DMTN: variants seen among roughly 807,000 people sequenced by gnomAD.
The protein encoded by DMTN is dematin actin binding protein, also known as dematin.
DMTN carries 27 observed loss-of-function variants against 59.4 expected under a neutral mutation model. The ratio of observed to expected loss-of-function variants is 0.45; its 90% CI spans 0.33 to 0.63. The LOEUF (loss-of-function observed/expected upper bound fraction) is 0.63. Ranked by LOEUF, DMTN falls within the 20% of genes least tolerant of loss-of-function variation. The probability of loss-of-function intolerance (pLI) is 0.02; values close to 1 mark genes in which losing one functional copy is unlikely to be tolerated. For missense variants in DMTN, 451 were observed against 528.9 expected (o/e 0.85, Z 1.45); for synonymous variants, 221 against 203.7 (o/e 1.08, Z -0.72).
chr8:22,066,997 GC>G, intron 2 of DMTN, 87 bp from the exon 3 acceptor site: 7 of 1,292,088 alleles, frequency 5.4e-6, no homozygotes, highest in Non-Finnish European at 6.9e-6. Context: ...GCCGCGCAGC[GC>G]CCCGGGTCCC....
chr8:22,066,026 T>C (rs1436194775), intron 1 of DMTN, among the ~76,000 whole-genome samples: 1 of 151,908 alleles, frequency 6.6e-6, no homozygotes, highest in African/African-American at 2.4e-5. Flanking sequence ...ATTTTTTCTG[T>C]AAAGACAAGG....
intron 5 of DMTN, 160 bp downstream of exon 5, chr8:22,069,220 G>T: frequency 1.1e-6 from 1 of 934,748 alleles, no homozygotes; most frequent in Non-Finnish European, 1.6e-6. Context: ...TCATTCTGTC[G>T]GACCCAGGAC....
intron 10 of DMTN, among the ~76,000 whole-genome samples, chr8:22,075,049 T>C: frequency 6.6e-6 from 1 of 151,748 alleles, no homozygotes; most frequent in Non-Finnish European, 1.5e-5. Flanking sequence ...TAGCCAGGCA[T>C]GGTGGCGCAT....
rs751246307 is a variant in DMTN at position 22,080,234 on chromosome 8, C to T, written c.890C>T (p.Thr297Ile). 3.1e-6 allele frequency: 5 copies of T among 1,614,248 alleles called. No homozygotes were observed. In the Admixed American group the frequency reaches 6.7e-5, roughly 22 times the overall value. The change falls in exon 11 of 16, where the codon ACC becomes ATC. Residue 297 changes from threonine to isoleucine, a missense_variant. Physicochemically the swap from Thr to Ile is moderately conservative, Grantham distance 89. Transcript: ENST00000358242. ...SSSLPAYGRT[T>I]LSRLQSTEFS... is the part of the protein sequence containing the mutation. ...TCTCTCCCCGCCTATGGCAGGACCA[C>T]CCTGAGCCGGGTAAGGTCTCAGGAC...
At chr8:22,068,532 C>T (rs1265823894) in intron 4 of DMTN, among the ~76,000 whole-genome samples, 1 of 151,728 alleles carries the variant, frequency 6.6e-6, no homozygotes, top group East Asian at 1.9e-4. Flanking sequence ...AGAGCTACTG[C>T]ATTTAGGCTG....
upstream of DMTN, among the ~76,000 whole-genome samples, chr8:22,051,274 C>T (rs1237148368): frequency 1.3e-5 from 2 of 152,154 alleles, no homozygotes; most frequent in African/African-American, 4.8e-5. Flanking sequence ...CTAAGAATGG[C>T]TCACAAATTT....
chr8:22,079,464 TAAAC>T lies in DMTN; in HGVS notation c.836-704_836-701del, dbSNP rs1425851484. On this transcript the variant is annotated intron_variant, in intron 10 of 15. Transcript: ENST00000358242. The stretch of plus-strand genomic sequence containing the variant: ...AGACCCCATCTCAAAAATAAATAAA[TAAAC>T]AAACAAACAAATATGAATACTAGCT... Among the ~76,000 whole-genome samples, 17 of 150,916 alleles carry T rather than the reference TAAAC, an allele frequency of 1.1e-4. No homozygotes were observed. The East Asian group carries it at 2.2e-3, about 19-fold the overall frequency.
At chr8:22,067,472 A>G in intron 3 of DMTN, 55 bp from the exon 4 acceptor site, 1 of 1,601,354 alleles carries the variant, frequency 6.2e-7, no homozygotes, top group South Asian at 1.1e-5. Context: ...TAGCAGGGCC[A>G]GTGTCCTAGG....
rs780679775 is a variant in DMTN, at chr8:22,082,091, C to T, written c.*628C>T. The T allele has an allele frequency of 6.6e-6, 3 of 456,624 alleles. No homozygotes were observed. The highest frequency in any genetic ancestry group is 1.3e-5 in the Non-Finnish European group (3 of 226,984). The allele number at this position is 456,624 out of a possible 1,614,324, so 28.3% of individuals were successfully genotyped here. On this transcript the variant is annotated 3_prime_UTR_variant, in exon 16 of 16. Transcript: ENST00000358242. ...GAAGCCTGGGCTTAGGGTGGAGATG[C>T]CGCCTACACACGATCCTGGCCCTCC...
At chr8:22,063,209 A>C (rs536194543) in intron 1 of DMTN, among the ~76,000 whole-genome samples, 27 of 152,044 alleles carry the variant, frequency 1.8e-4, no homozygotes, top group African/African-American at 6.3e-4. Flanking sequence ...AGCCTCCTTC[A>C]TGGGCACCCC....
chr8:22,051,858 A>G (rs1801386722), upstream of DMTN, among the ~76,000 whole-genome samples: 1 of 151,616 alleles, frequency 6.6e-6, no homozygotes, highest in African/African-American at 2.4e-5. Flanking sequence ...CCTACCATCA[A>G]CCACAGCTCT....
At chr8:22,063,582 C>T (rs992894431) in intron 1 of DMTN, among the ~76,000 whole-genome samples, 18 of 152,188 alleles carry the variant, frequency 1.2e-4, no homozygotes, top group African/African-American at 4.1e-4. Flanking sequence ...ATCTCAACCT[C>T]ATGACCTCTC....
At position 22,069,369 on chromosome 8, in the gene DMTN, T is replaced by C. The variant is rs919013660; in HGVS notation, c.295-50T>C. The C allele has an allele frequency of 2.0e-6, 3 of 1,504,890 alleles. No homozygotes were observed. In the South Asian group the frequency reaches 3.5e-5, roughly 18 times the overall value. The allele number at this position is 1,504,890 out of a possible 1,614,324, so 93.2% of individuals were successfully genotyped here. On this transcript the variant is annotated intron_variant, in intron 5 of 15. Coordinates refer to ENST00000358242, the MANE Select transcript of DMTN (RefSeq NM_001387751.1). Reference sequence around the variant, plus strand: ...GGTGTGAGCTGATGGGGTGCATGTGTGGGTTGGAGGGGGTTAGGGGCCCTG... The same window carrying C: ...GGTGTGAGCTGATGGGGTGCATGTGCGGGTTGGAGGGGGTTAGGGGCCCTG...
intron 10 of DMTN, among the ~76,000 whole-genome samples, chr8:22,077,559 G>A (rs915300506): frequency 2.0e-5 from 3 of 152,178 alleles, no homozygotes; most frequent in African/African-American, 4.8e-5. Context: ...ATGATGTGGA[G>A]AGAGGATGCG....
intron 9 of DMTN, 35 bp from the exon 10 acceptor site, chr8:22,073,695 A>G (rs974890741): frequency 3.9e-6 from 5 of 1,287,160 alleles, no homozygotes; most frequent in Non-Finnish European, 5.6e-6. Context: ...TCAAGTGTCT[A>G]AGTCTTGGCT....
upstream of DMTN, chr8:22,055,327 G>A (rs1331626651): frequency 1.3e-5 from 2 of 152,414 alleles, no homozygotes; most frequent in African/African-American, 4.8e-5. Context: ...AAAGGGCTGA[G>A]GTGTCAAAGC....
At chr8:22,054,489 G>T (rs1436332883), upstream of DMTN, among the ~76,000 whole-genome samples, 1 of 152,092 alleles carries the variant, frequency 6.6e-6, no homozygotes, top group Non-Finnish European at 1.5e-5. Context: ...AGCGCCCAGG[G>T]GCCTCTGAAC....
intron 10 of DMTN, among the ~76,000 whole-genome samples, chr8:22,079,273 A>C (rs189080621): frequency 7.0e-5 from 2 of 28,568 alleles, no homozygotes; most frequent in African/African-American, 2.0e-4. Context: ...TAAATAAATA[A>C]ATAAATATAT....
Position 22,067,611 on chromosome 8 carries a change from G to A in DMTN, c.178G>A (p.Asp60Asn). 1.2e-6 allele frequency: 2 copies of A among 1,614,172 alleles called. No individual in the cohort carries two copies. The highest frequency in any genetic ancestry group is 1.7e-6 in the Non-Finnish European group (2 of 1,180,040). Residue 60 changes from aspartate (D) to asparagine (N), a missense_variant, in exon 4 of 16, where the codon GAC becomes AAC. Coordinates refer to ENST00000358242, the MANE Select transcript of DMTN (RefSeq NM_001387751.1). ...GGCCATCCTGGACATCGAGCGGCCCGACCTCATGATCTACGAGCCTCACTT... is the reference window on the plus strand; with the variant it reads ...GGCCATCCTGGACATCGAGCGGCCCAACCTCATGATCTACGAGCCTCACTT... ...DKAILDIERP[D>N]LMIYEPHFTY...
Sources: allele counts gnomAD v4.1 joint callset (sites outside exome capture counted in the v4.1 genomes callset), GRCh38; gene constraint gnomAD v4.1.1; transcripts MANE v1.5; gene names NCBI Gene and HGNC (gene_info 2026-07-23, HGNC 2026-07-21).